The following CHCHD3 variants were observed in gnomAD, a reference collection of about 807,000 sequenced individuals.
The protein encoded by CHCHD3 is MICOS complex subunit MIC19.
A neutral mutation model predicts 38.2 loss-of-function variants in CHCHD3; 20 were observed. The observed-to-expected ratio is 0.52, with a 90% CI of 0.37 to 0.76. CHCHD3 has a LOEUF of 0.76. Among genes scored for constraint, CHCHD3 ranks in the 30% least tolerant of loss-of-function variants. The probability of loss-of-function intolerance (pLI) is 0.00; values close to 1 mark genes in which losing one functional copy is unlikely to be tolerated. For missense variants in CHCHD3, 245 were observed against 279.2 expected (o/e 0.88, Z 0.87); for synonymous variants, 82 against 100.0 (o/e 0.82, Z 1.07).
Position 132,977,776 on chromosome 7 carries a change from CTT to C in CHCHD3, c.252-2492_252-2491del, listed in dbSNP as rs1013830500. On this transcript the variant is annotated intron_variant, in intron 3 of 7. Coordinates refer to ENST00000262570, the MANE Select transcript of CHCHD3 (RefSeq NM_017812.4). ...TTAAAGTACTGTTTAAAAATTACTACTTTTTTTTTCCATTTTAGTTTACTTAT... is the reference window on the plus strand; with the variant it reads ...TTAAAGTACTGTTTAAAAATTACTACTTTTTTTCCATTTTAGTTTACTTAT... Among the ~76,000 whole-genome samples the C allele has an allele frequency of 2.6e-5, 4 of 151,580 alleles. 1 individual carries two copies.
chr7:132,878,074 C>T (rs758271927), intron 5 of CHCHD3, among the ~76,000 whole-genome samples: 25 of 152,216 alleles, frequency 1.6e-4, no homozygotes, highest in South Asian at 4.2e-4. Context: ...CTCCAAAAAA[C>T]GACTGTTTAT....
intron 5 of CHCHD3, among the ~76,000 whole-genome samples, chr7:132,864,087 A>G (rs1337649724): frequency 6.6e-6 from 1 of 152,140 alleles, no homozygotes; most frequent in Non-Finnish European, 1.5e-5. Context: ...AACTTGGCCA[A>G]TTGTTTGGTG....
rs1030663935 is a variant in CHCHD3, at chr7:132,830,165, C to T, written c.524+8234G>A. Among the ~76,000 whole-genome samples the T allele has an allele frequency of 6.6e-5, 10 of 152,176 alleles. No individual in the cohort carries two copies. The South Asian group carries it at 8.3e-4, about 13-fold the overall frequency. ...TAGAAGGGGGGAAAAAGCATTAATA[C>T]CGAAGCTTTCTTTGTAAATATAACC... On this transcript the variant is annotated intron_variant, in intron 6 of 7. Coordinates refer to ENST00000262570, the MANE Select transcript of CHCHD3 (RefSeq NM_017812.4).
At chr7:132,991,369 G>A (rs890045410) in intron 3 of CHCHD3, among the ~76,000 whole-genome samples, 1 of 151,964 alleles carries the variant, frequency 6.6e-6, no homozygotes, top group African/African-American at 2.4e-5. Flanking sequence ...TGTTTTAACT[G>A]CATTTCATAT....
chr7:132,921,693 T>C (rs5002957), intron 4 of CHCHD3, among the ~76,000 whole-genome samples: 108,535 of 152,004 alleles, frequency 0.71, 38,898 homozygotes, highest in African/African-American at 0.75. Context: ...TTTCTGAGGA[T>C]TAAATTCTAA....
chr7:132,901,538 C>T (rs1462517828), intron 4 of CHCHD3, among the ~76,000 whole-genome samples: 3 of 152,196 alleles, frequency 2.0e-5, no homozygotes, highest in East Asian at 3.8e-4. Context: ...CTGGTTTAGA[C>T]TTAGCTTTGT....
intron 2 of CHCHD3, among the ~76,000 whole-genome samples, chr7:133,042,245 A>G (rs1324944983): frequency 6.6e-6 from 1 of 152,152 alleles, no homozygotes; most frequent in East Asian, 1.9e-4. Context: ...TATGAGCAAT[A>G]TTTATACTTT....
chr7:132,902,524 T>C (rs969450345), intron 4 of CHCHD3, among the ~76,000 whole-genome samples: 12 of 152,134 alleles, frequency 7.9e-5, no homozygotes, highest in Admixed American at 6.5e-4. Flanking sequence ...TGCTGGGACA[T>C]GGATGAAGCT....
At chr7:133,005,636 G>A (rs1430839720) in intron 3 of CHCHD3, among the ~76,000 whole-genome samples, 1 of 152,016 alleles carries the variant, frequency 6.6e-6, no homozygotes, top group African/African-American at 2.4e-5. Context: ...TTTTTTGTAT[G>A]TAACAAGCAA....
intron 4 of CHCHD3, among the ~76,000 whole-genome samples, chr7:132,967,369 G>C (rs1054029631): frequency 2.0e-5 from 3 of 152,168 alleles, no homozygotes; most frequent in African/African-American, 7.2e-5. Flanking sequence ...TGACTGGATA[G>C]GCCCCCAGAG....
At chr7:132,850,340 C>T (rs1808183919) in intron 5 of CHCHD3, among the ~76,000 whole-genome samples, 1 of 151,982 alleles carries the variant, frequency 6.6e-6, no homozygotes, top group Admixed American at 6.6e-5. Flanking sequence ...TCCATCTTTA[C>T]TCTTTCTTAT....
intron 4 of CHCHD3, among the ~76,000 whole-genome samples, chr7:132,888,514 T>A (rs547742358): frequency 6.6e-6 from 1 of 151,964 alleles, no homozygotes; most frequent in South Asian, 2.1e-4. Context: ...TGAATGTGTG[T>A]ATAAATCATT....
At chr7:132,839,216 A>G (rs779069953) in intron 5 of CHCHD3, among the ~76,000 whole-genome samples, 10 of 152,056 alleles carry the variant, frequency 6.6e-5, no homozygotes, top group Non-Finnish European at 1.5e-4. Context: ...AGTTTTCTTT[A>G]TGGAGCTTAA....
In CHCHD3 at chr7:132,785,522, T is replaced by G; in HGVS notation, c.*115A>C. ...CTGAATCCATTCTTGATGTCTCTCT[T>G]TAGTGGTCTTCTCATTAGTGGTCTT... On this transcript the variant is annotated 3_prime_UTR_variant, in exon 8 of 8. Coordinates refer to ENST00000262570, the MANE Select transcript of CHCHD3 (RefSeq NM_017812.4). The G allele has an allele frequency of 1.0e-6, 1 of 995,852 alleles. No homozygotes were observed. The highest frequency in any genetic ancestry group is 1.6e-6 in the Non-Finnish European group (1 of 633,986). 61.7% of individuals were successfully genotyped at this position (995,852 alleles called of 1,614,324 possible). A position where few individuals can be genotyped will look rare whatever the true frequency, so the allele number is the denominator to read the frequency against.
At chr7:132,974,450 T>C (rs1282087559) in intron 4 of CHCHD3, among the ~76,000 whole-genome samples, 11 of 152,212 alleles carry the variant, frequency 7.2e-5, no homozygotes, top group East Asian at 1.9e-4. Context: ...CAGGCAGTGA[T>C]TGATCAAACC....
intron 4 of CHCHD3, among the ~76,000 whole-genome samples, chr7:132,891,364 G>A (rs989110570): frequency 6.6e-6 from 1 of 152,142 alleles, no homozygotes; most frequent in Non-Finnish European, 1.5e-5. Flanking sequence ...ATAAACATCA[G>A]CTATAAGCAG....
intron 4 of CHCHD3, among the ~76,000 whole-genome samples, chr7:132,904,120 G>T (rs1809736183): frequency 6.6e-6 from 1 of 152,046 alleles, no homozygotes; most frequent in Non-Finnish European, 1.5e-5. Context: ...AATCAGCTGG[G>T]CATGGTGGCA....
intron 3 of CHCHD3, among the ~76,000 whole-genome samples, chr7:133,018,959 C>T (rs1813102883): frequency 7.1e-6 from 1 of 140,782 alleles, no homozygotes; most frequent in African/African-American, 2.6e-5. Flanking sequence ...TCTTGGCTCA[C>T]CACAACCTCC....
chr7:132,874,450 T>G (rs764093819), intron 5 of CHCHD3, among the ~76,000 whole-genome samples: 5 of 152,214 alleles, frequency 3.3e-5, no homozygotes, highest in Non-Finnish European at 7.3e-5. Context: ...CAGAAGATGT[T>G]GATATCTCTT....
Sources: allele counts gnomAD v4.1 joint callset (sites outside exome capture counted in the v4.1 genomes callset), GRCh38; gene constraint gnomAD v4.1.1; transcripts MANE v1.5; gene names NCBI Gene and HGNC (gene_info 2026-07-23, HGNC 2026-07-21).